The following THSD7B variants were observed in gnomAD, a reference collection of about 807,000 sequenced individuals.
The protein encoded by THSD7B is thrombospondin type-1 domain-containing protein 7B.
Under a neutral mutation model 213.6 loss-of-function variants are expected in THSD7B, and 138 were observed. That is an observed-to-expected ratio of 0.65 (90% CI 0.56 to 0.74). THSD7B has a LOEUF of 0.74. Among genes scored for constraint, THSD7B ranks in the 30% least tolerant of loss-of-function variants. The pLI is 0.00. For synonymous variants in THSD7B, 742 were observed against 687.0 expected, an observed-to-expected ratio of 1.08 and a Z score of -1.25; for missense variants, 1,931 against 1,991.5, an observed-to-expected ratio of 0.97 and a Z score of 0.58.
chr2:137,277,176 A>C (rs1682895678), intron 12 of THSD7B, among the ~76,000 whole-genome samples: 1 of 152,060 alleles, frequency 6.6e-6, no homozygotes, highest in Non-Finnish European at 1.5e-5. Context: ...TGAATTTGTT[A>C]CTCTATGATA....
intron 15 of THSD7B, among the ~76,000 whole-genome samples, chr2:137,527,266 T>C (rs866635881): frequency 4.6e-5 from 7 of 152,020 alleles, no homozygotes; most frequent in African/African-American, 1.7e-4. Context: ...ATCAAGAAAA[T>C]TGCCTTGTAG....
At chr2:136,781,363 C>T (rs1381918242) in intron 1 of THSD7B, among the ~76,000 whole-genome samples, 1 of 150,630 alleles carries the variant, frequency 6.6e-6, no homozygotes, top group African/African-American at 2.4e-5. Flanking sequence ...CTCCTGAGCT[C>T]AAGAGATTCT....
intron 12 of THSD7B, among the ~76,000 whole-genome samples, chr2:137,352,798 A>T (rs914560570): frequency 2.0e-5 from 3 of 152,094 alleles, no homozygotes; most frequent in African/African-American, 7.2e-5. Context: ...GAAGGGTTAA[A>T]GGGAGAAAAA....
chr2:137,354,642 T>G (rs1685088498), intron 12 of THSD7B, among the ~76,000 whole-genome samples: 1 of 152,092 alleles, frequency 6.6e-6, no homozygotes. Flanking sequence ...AGTTCTATAG[T>G]CATTTTTGAC....
chr2:137,421,218 C>A (rs946060380), intron 14 of THSD7B, among the ~76,000 whole-genome samples: 24 of 152,130 alleles, frequency 1.6e-4, no homozygotes, highest in African/African-American at 4.3e-4. Flanking sequence ...AGTTTTTCCC[C>A]CACACACCCA....
intron 19 of THSD7B, among the ~76,000 whole-genome samples, chr2:137,620,191 T>C (rs1272645617): frequency 6.6e-6 from 1 of 152,230 alleles, no homozygotes; most frequent in Non-Finnish European, 1.5e-5. Flanking sequence ...ATTGTATTTT[T>C]ATCTCCACAT....
intron 14 of THSD7B, among the ~76,000 whole-genome samples, chr2:137,424,278 A>G (rs1686991289): frequency 6.6e-6 from 1 of 152,210 alleles, no homozygotes; most frequent in Admixed American, 6.5e-5. Context: ...TACACCACCC[A>G]AAGCACTAGA....
chr2:137,517,776 G>A (rs1333757630), intron 15 of THSD7B, among the ~76,000 whole-genome samples: 1 of 152,176 alleles, frequency 6.6e-6, no homozygotes, highest in African/African-American at 2.4e-5. Flanking sequence ...AGCCCTGGCA[G>A]GCCCCCATTG....
At chr2:136,820,793 A>G (rs918006955) in intron 1 of THSD7B, among the ~76,000 whole-genome samples, 1 of 152,222 alleles carries the variant, frequency 6.6e-6, no homozygotes, top group African/African-American at 2.4e-5. Context: ...CATATGAAGT[A>G]TTTGAAAGTA....
chr2:136,886,366 T>C (rs753637154), intron 2 of THSD7B, among the ~76,000 whole-genome samples: 26 of 152,088 alleles, frequency 1.7e-4, no homozygotes, highest in Non-Finnish European at 2.1e-4. Context: ...GGTAGGAGGC[T>C]ACTGCAGAAT....
At chr2:137,610,154 C>A (rs913686240) in intron 17 of THSD7B, among the ~76,000 whole-genome samples, 3 of 152,022 alleles carry the variant, frequency 2.0e-5, no homozygotes, top group Non-Finnish European at 4.4e-5. Context: ...TTAGAACCAC[C>A]TAGAGGACTC....
In THSD7B at chr2:137,059,200, C is replaced by T. The variant is rs566523134; in HGVS notation, c.950+1970C>T. ...GAAAAAAAGAGAGCACTCTATGTCT[C>T]TTCTTATAAGGTCACCAATCCTATC... is the stretch of plus-strand genomic sequence containing the variant. On this transcript the variant is annotated intron_variant, in intron 3 of 27. Transcript: ENST00000409968. 7.2e-5 allele frequency among the ~76,000 whole-genome samples: 11 copies of T among 152,172 alleles called. No individual in the cohort carries two copies. In the South Asian group the frequency reaches 2.1e-3, roughly 29 times the overall value.
At chr2:136,963,278 GATGGGTA>G (rs1226028484) in intron 2 of THSD7B, among the ~76,000 whole-genome samples, 2 of 152,090 alleles carry the variant, frequency 1.3e-5, no homozygotes, top group African/African-American at 2.4e-5. Flanking sequence ...GAGGATAAAT[GATGGGTA>G]ATTGGCCTTG....
chr2:137,262,545 G>GT (rs1682476988), intron 10 of THSD7B, among the ~76,000 whole-genome samples: 1 of 152,106 alleles, frequency 6.6e-6, no homozygotes, highest in Non-Finnish European at 1.5e-5. Flanking sequence ...TATAGGTGTT[G>GT]TTATTAACCT....
chr2:137,585,038 G>A (rs547620427), intron 17 of THSD7B, among the ~76,000 whole-genome samples: 12 of 152,234 alleles, frequency 7.9e-5, no homozygotes, highest in East Asian at 5.8e-4. Context: ...TCTATTGAGG[G>A]ATTCAACTTC....
intron 1 of THSD7B, among the ~76,000 whole-genome samples, chr2:136,784,240 G>GCTAAAGTCAA (rs1681797314): frequency 6.6e-6 from 1 of 151,912 alleles, no homozygotes; most frequent in Non-Finnish European, 1.5e-5. Context: ...GTATTCTTCA[G>GCTAAAGTCAA]GGCAAAACAA....
rs184915007 is a variant in THSD7B at position 137,429,852 on chromosome 2, A to G, written c.2959+17980A>G. On this transcript the variant is annotated intron_variant, in intron 14 of 27. Coordinates refer to ENST00000409968, the MANE Select transcript of THSD7B (RefSeq NM_001316349.2). ...AAGCTTTGTTATTTGAGTTGGTTTT[A>G]TTTTTTTCTGAATTTGAGTAAAGTT... is the stretch of plus-strand genomic sequence containing the variant. Among the ~76,000 whole-genome samples the G allele has an allele frequency of 2.6e-5, 4 of 152,092 alleles. No homozygotes were observed. The East Asian group carries it at 5.8e-4, about 22-fold the overall frequency.
intron 6 of THSD7B, among the ~76,000 whole-genome samples, chr2:137,163,884 A>G (rs1156724985): frequency 6.6e-6 from 1 of 152,208 alleles, no homozygotes; most frequent in Non-Finnish European, 1.5e-5. Flanking sequence ...TGTTGGCAGT[A>G]AGGATCTGGT....
intron 2 of THSD7B, among the ~76,000 whole-genome samples, chr2:136,986,642 T>A (rs1685678535): frequency 6.6e-6 from 1 of 152,188 alleles, no homozygotes; most frequent in Non-Finnish European, 1.5e-5. Flanking sequence ...TAGAGATAGT[T>A]GTAATGTTTC....
Sources: allele counts gnomAD v4.1 joint callset (sites outside exome capture counted in the v4.1 genomes callset), GRCh38; gene constraint gnomAD v4.1.1; transcripts MANE v1.5; gene names NCBI Gene and HGNC (gene_info 2026-07-23, HGNC 2026-07-21).